BCL2L1: variants seen among roughly 807,000 people sequenced by gnomAD.
BCL2L1 encodes the protein BCL2 like 1.
In BCL2L1, 1 loss-of-function variant was observed where a neutral mutation model predicts 18.7. The ratio of observed to expected loss-of-function variants is 0.05; its 90% CI spans 0.02 to 0.25. The LOEUF (loss-of-function observed/expected upper bound fraction) is 0.25. Ranked by LOEUF, BCL2L1 falls within the 10% of genes least tolerant of loss-of-function variation. The probability of loss-of-function intolerance (pLI) is 1.00; values close to 1 mark genes in which losing one functional copy is unlikely to be tolerated. For missense variants in BCL2L1, 207 were observed against 304.9 expected (o/e 0.68, Z 2.39); for synonymous variants, 103 against 122.7 (o/e 0.84, Z 1.06).
chr20:31,714,251 C>T (rs2061493356), intron 2 of BCL2L1, among the ~76,000 whole-genome samples: 1 of 152,144 alleles, frequency 6.6e-6, no homozygotes, highest in East Asian at 1.9e-4. Context: ...CTCCATCTTG[C>T]ATAAAGGGAA....
chr20:31,704,582 G>C (rs1294710246), intron 2 of BCL2L1, among the ~76,000 whole-genome samples: 1 of 152,176 alleles, frequency 6.6e-6, no homozygotes, highest in Non-Finnish European at 1.5e-5. Context: ...CCCTTGGCCG[G>C]AGTAGGGAAT....
intron 2 of BCL2L1, among the ~76,000 whole-genome samples, chr20:31,677,784 G>A (rs1285862056): frequency 6.6e-6 from 1 of 152,120 alleles, no homozygotes; most frequent in African/African-American, 2.4e-5. Flanking sequence ...TATCTCTGAG[G>A]TCTTAATCCA....
In BCL2L1 at chr20:31,665,745, G is replaced by A. The variant is rs2060576210; in HGVS notation, c.*204C>T. The A allele has an allele frequency of 1.5e-6, 1 of 671,620 alleles. No individual in the cohort carries two copies. The allele number at this position is 671,620 out of a possible 1,614,324, so 41.6% of individuals were successfully genotyped here. On this transcript the variant is annotated 3_prime_UTR_variant, in exon 3 of 3. Coordinates refer to ENST00000307677, the MANE Select transcript of BCL2L1 (RefSeq NM_138578.3). ...GAAATTTTGTGAATTCTGAGGCCAA[G>A]GGAACTGAGGTGTGGGGGTCTCACA...
rs1189838699 is a variant in BCL2L1 at position 31,701,200 on chromosome 20, C to T, written c.564+20455G>A. Among the ~76,000 whole-genome samples, 7 of 152,172 alleles carry T rather than the reference C, an allele frequency of 4.6e-5. No individual in the cohort carries two copies. The South Asian group carries it at 8.3e-4, about 18-fold the overall frequency. ...TCCTGAGTAGCTGGGATTACAGGCA[C>T]GCGCCACCACACCTGGCTAATTTTT... On this transcript the variant is annotated intron_variant, in intron 2 of 2. Transcript: ENST00000307677.
At chr20:31,721,047 T>C in intron 2 of BCL2L1, 1 of 896,688 alleles carries the variant, frequency 1.1e-6, no homozygotes, top group Non-Finnish European at 1.3e-6. Context: ...GCAAACACAA[T>C]CTGCACAGCC....
intron 2 of BCL2L1, among the ~76,000 whole-genome samples, chr20:31,672,464 CAAAA>C (rs141754198): frequency 8.7e-6 from 1 of 115,496 alleles, no homozygotes; most frequent in African/African-American, 3.2e-5. Context: ...AACCCTGTCT[CAAAA>C]AAAAAAAAAA....
intron 2 of BCL2L1, among the ~76,000 whole-genome samples, chr20:31,694,136 G>A (rs1219221313): frequency 6.6e-6 from 1 of 152,152 alleles, no homozygotes; most frequent in East Asian, 1.9e-4. Flanking sequence ...CAAGCACCAC[G>A]CCCAGGAACT....
At chr20:31,685,872 C>T (rs1188620767) in intron 2 of BCL2L1, among the ~76,000 whole-genome samples, 2 of 152,180 alleles carry the variant, frequency 1.3e-5, no homozygotes, top group Non-Finnish European at 2.9e-5. Context: ...CCTCTGGGGG[C>T]ACCTCATTTT....
At chr20:31,677,182 A>AATT (rs2060778100) in intron 2 of BCL2L1, among the ~76,000 whole-genome samples, 1 of 139,550 alleles carries the variant, frequency 7.2e-6, no homozygotes, top group Non-Finnish European at 1.5e-5. Flanking sequence ...TCCTTATTTA[A>AATT]TTTTTTTTTT....
chr20:31,669,515 C>G (rs954239519), intron 2 of BCL2L1, among the ~76,000 whole-genome samples: 1 of 150,088 alleles, frequency 6.7e-6, no homozygotes, highest in East Asian at 2.0e-4. Context: ...TGCAGTGGTG[C>G]AATCTTGGCT....
chr20:31,676,056 T>C (rs1490073531), intron 2 of BCL2L1, among the ~76,000 whole-genome samples: 2 of 152,082 alleles, frequency 1.3e-5, no homozygotes, highest in African/African-American at 4.8e-5. Context: ...GAGAAAGCTA[T>C]CAGGCCTAGC....
intron 2 of BCL2L1, among the ~76,000 whole-genome samples, chr20:31,693,163 T>TAA (rs764386536): frequency 1.2e-4 from 14 of 116,208 alleles, no homozygotes; most frequent in South Asian, 2.8e-4. Context: ...TAGTAAAACT[T>TAA]AAAAAAAAAA....
At chr20:31,664,453 CT>C (rs1261288737), downstream of BCL2L1, 2 of 177,822 alleles carry the variant, frequency 1.1e-5, no homozygotes, top group East Asian at 1.9e-4. Context: ...AGCCCAGGCT[CT>C]TTGTTCACTG....
chr20:31,696,646 C>T (rs904105043), intron 2 of BCL2L1, among the ~76,000 whole-genome samples: 1 of 152,230 alleles, frequency 6.6e-6, no homozygotes, highest in African/African-American at 2.4e-5. Flanking sequence ...ACACTGCTGG[C>T]TAACGCCTGT....
At chr20:31,689,822 C>T (rs560227820) in intron 2 of BCL2L1, among the ~76,000 whole-genome samples, 2 of 152,186 alleles carry the variant, frequency 1.3e-5, no homozygotes, top group Non-Finnish European at 2.9e-5. Flanking sequence ...TCAAGACCAC[C>T]CTGACCAACA....
intron 2 of BCL2L1, among the ~76,000 whole-genome samples, chr20:31,708,859 G>T (rs2061409567): frequency 6.6e-6 from 1 of 152,210 alleles, no homozygotes; most frequent in Admixed American, 6.5e-5. Context: ...GTCACTGCAG[G>T]TGGCAGGAGA....
intron 2 of BCL2L1, chr20:31,720,447 C>A: frequency 2.5e-6 from 2 of 799,780 alleles, no homozygotes; most frequent in South Asian, 1.1e-4. Flanking sequence ...TCTCATAAAA[C>A]CTGCACCTCC....
upstream of BCL2L1, chr20:31,723,687 C>T: frequency 1.0e-6 from 1 of 985,492 alleles, no homozygotes; most frequent in Non-Finnish European, 1.2e-6. Context: ...GGCGAAGGCT[C>T]CTATTGGGCG....
intron 2 of BCL2L1, 147 bp from the exon 3 acceptor site, chr20:31,666,233 G>A (rs1372281757): frequency 8.3e-6 from 8 of 967,540 alleles, no homozygotes; most frequent in East Asian, 4.9e-5. Context: ...AAAGGGCTAA[G>A]GGTGGTCCTC....
Sources: gnomAD v4.1 joint callset for allele counts (sites outside exome capture counted in the v4.1 genomes callset) on GRCh38, gnomAD v4.1.1 for gene constraint, MANE v1.5 for transcripts, NCBI Gene and HGNC (gene_info 2026-07-23, HGNC 2026-07-21) for gene names.